GRXCR1: variants seen among roughly 807,000 people sequenced by gnomAD.
GRXCR1 encodes the protein glutaredoxin and cysteine rich domain containing 1.
In GRXCR1, 27 loss-of-function variants were observed where a neutral mutation model predicts 27.3. That is an observed-to-expected ratio of 0.99 (90% CI 0.73 to 1.37). The LOEUF is 1.37. GRXCR1 is among the 40% of genes most tolerant of loss of function. The pLI, the probability that GRXCR1 is intolerant of heterozygous loss-of-function variation, is 0.00. For synonymous variants in GRXCR1, 122 were observed against 131.1 expected (o/e 0.93, Z 0.47); for missense variants, 379 against 354.4 (o/e 1.07, Z -0.56).
In GRXCR1 at chr4:43,016,200, G is replaced by A. The variant is rs975859590; in HGVS notation, c.628-4154G>A. Among the ~76,000 whole-genome samples, 4 of 152,128 alleles carry A rather than the reference G, an allele frequency of 2.6e-5. No individual in the cohort carries two copies. The South Asian group carries it at 6.2e-4, about 24-fold the overall frequency. On this transcript the variant is annotated intron_variant, in intron 2 of 3. Transcript: ENST00000399770. The stretch of plus-strand genomic sequence containing the variant: ...GCTGTCTCACCTATGTTCCTTCCAG[G>A]GCATCAACCCAAACTGCTATGCAGA...
At chr4:43,012,197 C>T (rs191278153) in intron 2 of GRXCR1, among the ~76,000 whole-genome samples, 17 of 152,280 alleles carry the variant, frequency 1.1e-4, no homozygotes, top group South Asian at 2.1e-4. Context: ...AGCTAGCATG[C>T]GGCTCTTTAG....
intron 2 of GRXCR1, among the ~76,000 whole-genome samples, chr4:43,008,908 T>G (rs1388677038): frequency 4.6e-5 from 7 of 152,348 alleles, no homozygotes; most frequent in Admixed American, 3.3e-4. Context: ...TTGAAGAGCA[T>G]CTTATTAAAT....
Position 42,962,974 on chromosome 4 carries a change from G to A in GRXCR1, c.467G>A (p.Cys156Tyr). Reference protein sequence around the residue: ...LRVVRTTFERCELVRKIFQNH... With the variant: ...LRVVRTTFERYELVRKIFQNH... ...GTGGTCCGGACAACCTTTGAAAGAT[G>A]TGAACTGGTTAGAAAGATTTTCCAA... Residue 156 changes from cysteine (C) to tyrosine (Y), a missense_variant, in exon 2 of 4, where the codon TGT becomes TAT. Cys to Tyr is a radical substitution (Grantham distance 194). Transcript: ENST00000399770. 1 of 1,612,908 alleles carries A rather than the reference G, an allele frequency of 6.2e-7. No homozygotes were observed. Among genetic ancestry groups the A allele is most frequent in the Non-Finnish European group, 8.5e-7 (1 of 1,179,182 alleles).
At chr4:42,958,428 A>C (rs1016464971) in intron 1 of GRXCR1, among the ~76,000 whole-genome samples, 1 of 151,996 alleles carries the variant, frequency 6.6e-6, no homozygotes, top group African/African-American at 2.4e-5. Context: ...TAAAGATCTA[A>C]GTATATGACC....
At chr4:42,913,416 A>G (rs1746772193) in intron 1 of GRXCR1, among the ~76,000 whole-genome samples, 1 of 152,148 alleles carries the variant, frequency 6.6e-6, no homozygotes, top group Admixed American at 6.5e-5. Flanking sequence ...AGCAAAGGTG[A>G]CCTCGCTACG....
chr4:42,929,650 A>T (rs907294578), intron 1 of GRXCR1, among the ~76,000 whole-genome samples: 1 of 151,820 alleles, frequency 6.6e-6, no homozygotes, highest in Non-Finnish European at 1.5e-5. Flanking sequence ...GAGAAATGCT[A>T]CTTAAAGTCA....
intron 2 of GRXCR1, among the ~76,000 whole-genome samples, chr4:42,975,206 G>A (rs1748485526): frequency 6.6e-6 from 1 of 152,202 alleles, no homozygotes; most frequent in Non-Finnish European, 1.5e-5. Context: ...CAAAAAGTAA[G>A]GTTACAAAAC....
chr4:42,992,151 C>A (rs897398360), intron 2 of GRXCR1, among the ~76,000 whole-genome samples: 126 of 152,170 alleles, frequency 8.3e-4, no homozygotes, highest in African/African-American at 2.9e-3. Context: ...GATAGAGGGG[C>A]TATACTTACA....
chr4:42,950,332 C>T (rs1311923376), intron 1 of GRXCR1, among the ~76,000 whole-genome samples: 2 of 152,098 alleles, frequency 1.3e-5, no homozygotes, highest in Non-Finnish European at 2.9e-5. Context: ...TTAGAAATTT[C>T]TCCATTTGCA....
At chr4:42,919,700 CAG>C (rs1216991058) in intron 1 of GRXCR1, among the ~76,000 whole-genome samples, 3 of 152,152 alleles carry the variant, frequency 2.0e-5, no homozygotes, top group East Asian at 3.9e-4. Context: ...TCCACTGGGT[CAG>C]GGGAAACAAG....
At chr4:42,935,310 A>T (rs1747431140) in intron 1 of GRXCR1, among the ~76,000 whole-genome samples, 3 of 151,900 alleles carry the variant, frequency 2.0e-5, no homozygotes, top group Admixed American at 2.0e-4. Flanking sequence ...AACAACACCA[A>T]ATTAAAACTT....
chr4:42,938,010 G>C (rs899010638), intron 1 of GRXCR1, among the ~76,000 whole-genome samples: 5 of 151,870 alleles, frequency 3.3e-5, no homozygotes, highest in Non-Finnish European at 1.5e-5. Context: ...TCAAAAATTA[G>C]ATCTGATTCG....
chr4:42,915,109 G>T (rs1746856251), intron 1 of GRXCR1, among the ~76,000 whole-genome samples: 1 of 152,140 alleles, frequency 6.6e-6, no homozygotes, highest in Admixed American at 6.5e-5. Flanking sequence ...GCTACGTTCA[G>T]AGAAACAAAC....
At chr4:42,966,460 G>A (rs1304305356) in intron 2 of GRXCR1, among the ~76,000 whole-genome samples, 2 of 152,064 alleles carry the variant, frequency 1.3e-5, no homozygotes, top group Admixed American at 6.6e-5. Context: ...TTAAAGTACT[G>A]CATTATTCTA....
At chr4:43,027,631 C>A (rs1027218366) in intron 3 of GRXCR1, among the ~76,000 whole-genome samples, 3 of 152,156 alleles carry the variant, frequency 2.0e-5, no homozygotes, top group Non-Finnish European at 4.4e-5. Flanking sequence ...ACATTTCATT[C>A]CAGCTTTGTT....
intron 2 of GRXCR1, among the ~76,000 whole-genome samples, chr4:42,973,127 G>T (rs995599432): frequency 1.3e-5 from 2 of 151,860 alleles, no homozygotes; most frequent in Admixed American, 6.6e-5. Context: ...ATAGTCACTT[G>T]TTGCTGAAGT....
At chr4:42,961,774 T>C (rs1748133902) in intron 1 of GRXCR1, among the ~76,000 whole-genome samples, 1 of 152,014 alleles carries the variant, frequency 6.6e-6, no homozygotes. Flanking sequence ...CTTTGGAGTG[T>C]TACCTGTCCA....
At chr4:42,998,744 T>G (rs1165995784) in intron 2 of GRXCR1, among the ~76,000 whole-genome samples, 1 of 152,246 alleles carries the variant, frequency 6.6e-6, no homozygotes, top group Non-Finnish European at 1.5e-5. Context: ...TTTCAAGGAA[T>G]AATTACCTCT....
At chr4:42,897,382 C>T (rs1042350309) in intron 1 of GRXCR1, among the ~76,000 whole-genome samples, 6 of 152,008 alleles carry the variant, frequency 3.9e-5, no homozygotes, top group African/African-American at 9.7e-5. Context: ...ATTTTAATTT[C>T]CTTTCCTTCT....
Sources: allele counts gnomAD v4.1 joint callset (sites outside exome capture counted in the v4.1 genomes callset), GRCh38; gene constraint gnomAD v4.1.1; transcripts MANE v1.5; gene names NCBI Gene and HGNC (gene_info 2026-07-23, HGNC 2026-07-21).